RIPOR1: variants seen among roughly 807,000 people sequenced by gnomAD.
The protein encoded by RIPOR1 is rho family-interacting cell polarization regulator 1.
In RIPOR1, 58 loss-of-function variants were observed where a neutral mutation model predicts 116.5. The observed-to-expected ratio is 0.50, with a 90% CI of 0.40 to 0.62. The LOEUF (loss-of-function observed/expected upper bound fraction) is 0.62. Among genes scored for constraint, RIPOR1 ranks in the 20% least tolerant of loss-of-function variants. The pLI is 0.00. For synonymous variants in RIPOR1, 605 were observed against 650.0 expected, an observed-to-expected ratio of 0.93 and a Z score of 1.05; for missense variants, 1,372 against 1,586.2, an observed-to-expected ratio of 0.86 and a Z score of 2.29.
chr16:67,538,173 G>GCGGCAGGCGGAGCCCGCACCT (rs1269703702), intron 1 of RIPOR1: 2 of 386,500 alleles, frequency 5.2e-6, no homozygotes, highest in East Asian at 7.8e-5. Context: ...TTCCTGCCCC[G>GCGGCAGGCGGAGCCCGCACCT]CGGCAGGCGG....
rs745357465 is a variant in RIPOR1, at chr16:67,542,662, C to T, written c.1876C>T (p.Pro626Ser). ...THTSTSPTHT[P>S]TSPTHKTSMS... ...TACTTCCACAAGCCCCACCCATACC[C>T]CCACAAGTCCCACCCACAAAACCAG... Residue 626 changes from proline (P) to serine (S), a missense_variant, in exon 13 of 22, where the codon CCC (proline) becomes TCC (serine). Pro to Ser is a moderately conservative substitution (Grantham distance 74). This residue lies in a region of RIPOR1 where 1,005 missense variants were observed against 1,144.7 expected (regional missense o/e 0.88). Transcript: ENST00000042381. This position sits in a 1 kb window ranked among gnomAD's most constrained non-coding sequence, Gnocchi z 4.6. 6.2e-7 allele frequency: 1 copy of T among 1,613,136 alleles called. No individual in the cohort carries two copies. Among genetic ancestry groups the T allele is most frequent in the South Asian group, 1.1e-5 (1 of 91,024 alleles).
Position 67,537,510 on chromosome 16 carries a change from G to A in RIPOR1, c.-23-914G>A. The A allele has an allele frequency of 7.8e-7, 1 of 1,279,248 alleles. No homozygotes were observed. Among genetic ancestry groups the A allele is most frequent in the South Asian group, 2.5e-5 (1 of 40,250 alleles). The allele number at this position is 1,279,248 out of a possible 1,614,324, so 79.2% of individuals were successfully genotyped here. Reference sequence around the variant, plus strand: ...AGCGAGCCCGGAGCCCAGCCGGGCGGCTCGAAGTGGCCAGGGCCGGAAGGT... The same window carrying A: ...AGCGAGCCCGGAGCCCAGCCGGGCGACTCGAAGTGGCCAGGGCCGGAAGGT... On this transcript the variant is annotated intron_variant, in intron 1 of 21. Transcript: ENST00000042381. This position sits in a 1 kb window ranked among gnomAD's most constrained non-coding sequence, Gnocchi z 4.6.
In RIPOR1 at chr16:67,543,739, G is replaced by A. The variant is rs1029390471; in HGVS notation, c.2600+270G>A. ...CTCTGCAATGTCTGCCTCCCCTGCC[G>A]GTCCCCATCAGCTTGGGTGCCTCCA... On this transcript the variant is annotated intron_variant, in intron 14 of 21. Transcript: ENST00000042381. This position sits in a 1 kb window ranked among gnomAD's most constrained non-coding sequence, Gnocchi z 4.7. 12 of 514,446 alleles carry A rather than the reference G, an allele frequency of 2.3e-5. No homozygotes were observed. Among genetic ancestry groups the A allele is most frequent in the East Asian group, 7.2e-5 (2 of 27,920 alleles). The allele number at this position is 514,446 out of a possible 1,614,324, so 31.9% of individuals were successfully genotyped here. A position where few individuals can be genotyped will look rare whatever the true frequency, so the allele number is the denominator to read the frequency against.
chr16:67,520,062 CAAAAAAAAAAAAAA>C (rs796368368), intron 1 of RIPOR1, among the ~76,000 whole-genome samples: 1 of 46,024 alleles, frequency 2.2e-5, no homozygotes, highest in South Asian at 1.0e-3. Flanking sequence ...AACTCCGTCT[CAAAAAAAAAAAAAA>C]AAAAAAAAAA....
chr16:67,540,811 C>T lies in RIPOR1; in HGVS notation c.801+107C>T. 1 of 1,154,788 alleles carries T rather than the reference C, an allele frequency of 8.7e-7. No homozygotes were observed. The highest frequency in any genetic ancestry group is 1.5e-5 in the South Asian group (1 of 66,256). The allele number at this position is 1,154,788 out of a possible 1,614,324, so 71.5% of individuals were successfully genotyped here. A position where few individuals can be genotyped will look rare whatever the true frequency, so the allele number is the denominator to read the frequency against. ...TGTGATCCCCTCATAGCTCCATAGC[C>T]CTGTGAAGATATGATTCCATGACCT... On this transcript the variant is annotated intron_variant, in intron 10 of 21. Transcript: ENST00000042381. The surrounding 1 kb of genome is among the most constrained non-coding windows in gnomAD (Gnocchi z 4.7).
At chr16:67,524,365 C>T (rs1286750777), upstream of RIPOR1, among the ~76,000 whole-genome samples, 1 of 152,196 alleles carries the variant, frequency 6.6e-6, no homozygotes, top group African/African-American at 2.4e-5. Flanking sequence ...ATACCTACCT[C>T]CTCCAAGCCT....
upstream of RIPOR1, among the ~76,000 whole-genome samples, chr16:67,524,710 C>T (rs2050525957): frequency 6.6e-6 from 1 of 152,226 alleles, no homozygotes; most frequent in African/African-American, 2.4e-5. Context: ...GGGATGTCTC[C>T]CTCTCTCCAG....
intron 1 of RIPOR1, 53 bp downstream of exon 1, chr16:67,528,967 G>T (rs954808647): frequency 8.5e-5 from 15 of 176,618 alleles, no homozygotes. Flanking sequence ...GAGCAGGCGC[G>T]GAGGTTCTGG....
intron 21 of RIPOR1, 65 bp from the exon 22 acceptor site, chr16:67,546,301 G>A: frequency 6.2e-7 from 1 of 1,607,632 alleles, no homozygotes; most frequent in Non-Finnish European, 8.5e-7. Context: ...AGGAGAGATG[G>A]CGCCAGGGGT....
chr16:67,544,585 C>T lies in RIPOR1; in HGVS notation c.2734-110C>T, dbSNP rs2051103667. Reference sequence around the variant, plus strand: ...GGCCCTTGCTGAATGGAGTATCTCCCAACTCTGCAACCCCAACCTCCCCCA... The same window carrying T: ...GGCCCTTGCTGAATGGAGTATCTCCTAACTCTGCAACCCCAACCTCCCCCA... On this transcript the variant is annotated intron_variant, in intron 15 of 21. Coordinates refer to ENST00000042381, the MANE Select transcript of RIPOR1 (RefSeq NM_024519.4). This position sits in a 1 kb window ranked among gnomAD's most constrained non-coding sequence, Gnocchi z 5.1. The T allele has an allele frequency of 1.3e-6, 2 of 1,558,858 alleles. No individual in the cohort carries two copies. Among genetic ancestry groups the T allele is most frequent in the South Asian group, 2.3e-5 (2 of 88,230 alleles).
intron 1 of RIPOR1, among the ~76,000 whole-genome samples, chr16:67,522,998 T>C (rs765647098): frequency 6.6e-6 from 1 of 152,136 alleles, no homozygotes; most frequent in Non-Finnish European, 1.5e-5. Flanking sequence ...ACAGCTCTCC[T>C]CTCTCCCTCT....
chr16:67,531,451 T>G lies in RIPOR1; in HGVS notation c.-24+2537T>G. On this transcript the variant is annotated intron_variant, in intron 1 of 21. Transcript: ENST00000042381. The surrounding 1 kb of genome is among the most constrained non-coding windows in gnomAD (Gnocchi z 4.2). ...CCCTAAAGGAGAACTGACAACTGGGTTATGTGGTCTCGGGGTTCAGAGGGA... is the reference window on the plus strand; with the variant it reads ...CCCTAAAGGAGAACTGACAACTGGGGTATGTGGTCTCGGGGTTCAGAGGGA... The G allele has an allele frequency of 3.0e-6, 1 of 335,530 alleles. No individual in the cohort carries two copies. The highest frequency in any genetic ancestry group is 2.2e-5 in the South Asian group (1 of 45,690). The allele number at this position is 335,530 out of a possible 1,614,324, so 20.8% of individuals were successfully genotyped here. A position where few individuals can be genotyped will look rare whatever the true frequency, so the allele number is the denominator to read the frequency against.
rs1257231093 is a variant in RIPOR1, at chr16:67,540,433, C to A, written c.632-25C>A. 1.2e-6 allele frequency: 2 copies of A among 1,614,070 alleles called. No individual in the cohort carries two copies. Among genetic ancestry groups the A allele is most frequent in the Admixed American group, 1.7e-5 (1 of 60,006 alleles). ...GAAGAACCCCAATATGGCTCACCGA[C>A]TTCTCCCCTTCTCCTCCAACTCAGG... On this transcript the variant is annotated intron_variant, in intron 8 of 21. Coordinates refer to ENST00000042381, the MANE Select transcript of RIPOR1 (RefSeq NM_024519.4). This position sits in a 1 kb window ranked among gnomAD's most constrained non-coding sequence, Gnocchi z 4.7.
Position 67,538,488 on chromosome 16 carries a change from C to A in RIPOR1, c.42C>A (p.Ser14Arg). 6.2e-7 allele frequency: 1 copy of A among 1,611,506 alleles called. No individual in the cohort carries two copies. The highest frequency in any genetic ancestry group is 8.5e-7 in the Non-Finnish European group (1 of 1,179,252). Residue 14 changes from serine to arginine, a missense_variant, in exon 2 of 22, where the codon AGC becomes AGA. This residue lies in a region of RIPOR1 where 165 missense variants were observed against 145.5 expected (regional missense o/e 1.13). Transcript: ENST00000042381. ...TGCGGCCGCAGCGCCGTCTGCTCAG[C>A]GCCCGGGTCAATAGGAGCCAGTCCT... ...LSVRPQRRLL[S>R]ARVNRSQSFA...
rs552489501 is a variant in RIPOR1 at position 67,523,400 on chromosome 16, C to G, written c.-24+4787C>G. On this transcript the variant is annotated intron_variant, in intron 1 of 1. Transcript: ENST00000562116. ...AATTAGCCGGGCATGGTGGCGCGTG[C>G]CTGTAACCCCAGCTACTCGGGAGGC... Among the ~76,000 whole-genome samples, 15 of 151,762 alleles carry G rather than the reference C, an allele frequency of 9.9e-5. No homozygotes were observed. The South Asian group carries it at 3.1e-3, about 32-fold the overall frequency.
At position 67,545,303 on chromosome 16, in the gene RIPOR1, G is replaced by A. The variant is rs2051129362; in HGVS notation, c.3032-73G>A. On this transcript the variant is annotated intron_variant, in intron 17 of 21. Transcript: ENST00000042381. This position sits in a 1 kb window ranked among gnomAD's most constrained non-coding sequence, Gnocchi z 4.8. ...CAGGGGGCCCCTGGACCTGAGCCTG[G>A]GATAGGAGCATCTCTCCCCTCTAAA... The A allele has an allele frequency of 6.4e-7, 1 of 1,568,514 alleles. No homozygotes were observed. Among genetic ancestry groups the A allele is most frequent in the East Asian group, 2.3e-5 (1 of 44,444 alleles).
chr16:67,544,425 C>G lies in RIPOR1; in HGVS notation c.2727C>G (p.Leu909=). The change falls in exon 15 of 22, where the codon CTC becomes CTG. Residue 909 remains leucine (L), a synonymous_variant. Coordinates refer to ENST00000042381, the MANE Select transcript of RIPOR1 (RefSeq NM_024519.4). This position sits in a 1 kb window ranked among gnomAD's most constrained non-coding sequence, Gnocchi z 5.1. The stretch of plus-strand genomic sequence containing the variant: ...GGCACCTGTACCACTGCAGTCGCCT[C>G]CTGCTGGTGAGGCTGATGGTGTTCC... ...LVRHLYHCSR[L]LLKLGTFGPL... 1 of 1,609,174 alleles carries G rather than the reference C, an allele frequency of 6.2e-7. No individual in the cohort carries two copies. Among genetic ancestry groups the G allele is most frequent in the Middle Eastern group, 1.7e-4 (1 of 6,052 alleles).
chr16:67,542,120 G>T lies in RIPOR1; in HGVS notation c.1334G>T (p.Ser445Ile). Residue 445 changes from serine (S) to isoleucine (I), a missense_variant, in exon 13 of 22, where the codon AGT (serine) becomes ATT (isoleucine). Around this residue, in one of 3 missense-constraint regions of RIPOR1, gnomAD observed 1,005 missense variants for 1,144.7 expected, o/e 0.88. Transcript: ENST00000042381. The surrounding 1 kb of genome is among the most constrained non-coding windows in gnomAD (Gnocchi z 4.6). ...CTGGCAAATGGGCATGCACCCTACA[G>T]TCGGACTCTGAGCCACATCAGTGAG... ...PVLANGHAPY[S>I]RTLSHISEAS... 1 of 1,613,452 alleles carries T rather than the reference G, an allele frequency of 6.2e-7. No homozygotes were observed. Among genetic ancestry groups the T allele is most frequent in the Non-Finnish European group, 8.5e-7 (1 of 1,179,520 alleles).
Position 67,545,241 on chromosome 16 carries a change from C to A in RIPOR1, c.3031+124C>A. The stretch of plus-strand genomic sequence containing the variant: ...CCGAGGAGACCAGCAAAGACTTGGG[C>A]CTTAGAGCAGAAGGACCCAGATGGG... On this transcript the variant is annotated intron_variant, in intron 17 of 21. Transcript: ENST00000042381. This position sits in a 1 kb window ranked among gnomAD's most constrained non-coding sequence, Gnocchi z 4.8. 1.3e-6 allele frequency: 2 copies of A among 1,519,896 alleles called. No individual in the cohort carries two copies. The highest frequency in any genetic ancestry group is 8.9e-7 in the Non-Finnish European group (1 of 1,120,456). The allele number at this position is 1,519,896 out of a possible 1,614,324, so 94.2% of individuals were successfully genotyped here. A position where few individuals can be genotyped will look rare whatever the true frequency, so the allele number is the denominator to read the frequency against.
Sources: gnomAD v4.1 joint callset for allele counts (sites outside exome capture counted in the v4.1 genomes callset) on GRCh38, gnomAD v4.1.1 for gene constraint, gnomAD v4.1.1 regional missense constraint, Gnocchi (gnomAD v3.1) non-coding constraint, MANE v1.5 for transcripts, NCBI Gene and HGNC (gene_info 2026-07-23, HGNC 2026-07-21) for gene names.